DLG5: variants seen among roughly 807,000 people sequenced by gnomAD.
DLG5 encodes discs large MAGUK scaffold protein 5.
Under a neutral mutation model 189.8 loss-of-function variants are expected in DLG5, and 48 were observed. That is an observed-to-expected ratio of 0.25 (90% CI 0.20 to 0.32). The LOEUF (loss-of-function observed/expected upper bound fraction) is 0.32. DLG5 is among the 10% of genes least tolerant of loss of function. The pLI is 1.00. For missense variants in DLG5, 2,160 were observed against 2,544.7 expected (o/e 0.85, Z 3.25); for synonymous variants, 1,016 against 1,054.1 (o/e 0.96, Z 0.70).
intron 1 of DLG5, among the ~76,000 whole-genome samples, chr10:77,880,964 T>G (rs1362011690): frequency 1.0e-4 from 5 of 48,856 alleles, no homozygotes; most frequent in South Asian, 6.9e-4. Context: ...CCCTAGACCT[T>G]TTTTTTTTTT....
At chr10:77,928,543 C>G (rs1350963051), upstream of DLG5, 1 of 152,410 alleles carries the variant, frequency 6.6e-6, no homozygotes. Context: ...ATAGTTCTTT[C>G]TGGCCGCCAC....
rs370895571 is a variant in DLG5, at chr10:77,807,801, G to A, written c.4791C>T (p.Tyr1597=). The part of the protein sequence containing the change: ...KAKGLPGDSF[Y]IRALYDRLAD... Reference sequence around the variant, plus strand: ...GATTCCCCAGCCACTGGTACCTGATGTAGAAGCTGTCACCAGGCAGGCCCT... The same window carrying A: ...GATTCCCCAGCCACTGGTACCTGATATAGAAGCTGTCACCAGGCAGGCCCT... Residue 1597 remains tyrosine, a synonymous_variant, in exon 25 of 32, where the codon TAC becomes TAT. Coordinates refer to ENST00000372391, the MANE Select transcript of DLG5 (RefSeq NM_004747.4). 6.8e-6 allele frequency: 11 copies of A among 1,613,436 alleles called. No homozygotes were observed. In the African/African-American group the frequency reaches 9.3e-5, roughly 14 times the overall value.
At chr10:77,838,545 T>A (rs1843261513) in intron 7 of DLG5, among the ~76,000 whole-genome samples, 1 of 152,104 alleles carries the variant, frequency 6.6e-6, no homozygotes, top group Non-Finnish European at 1.5e-5. Flanking sequence ...ATGCTACCTC[T>A]TTGCTCCCTC....
chr10:77,795,488 G>A (rs1217717973), intron 29 of DLG5, among the ~76,000 whole-genome samples: 2 of 152,128 alleles, frequency 1.3e-5, no homozygotes, highest in Non-Finnish European at 2.9e-5. Context: ...ATCTAACAGA[G>A]AAGGGAAGCA....
intron 16 of DLG5, 167 bp from the exon 17 acceptor site, chr10:77,819,632 G>A: frequency 2.8e-6 from 3 of 1,073,410 alleles, no homozygotes; most frequent in East Asian, 5.2e-5. Flanking sequence ...CTCCTGGCCT[G>A]TCTCCATTTG....
rs575763163 is a variant in DLG5, at chr10:77,798,780, T to C, written c.5165-2186A>G. 5.9e-5 allele frequency among the ~76,000 whole-genome samples: 9 copies of C among 152,242 alleles called. No homozygotes were observed. In the East Asian group the frequency reaches 1.7e-3, roughly 29 times the overall value. ...CGTCACCATTCCCTCCATTTACTAG[T>C]ATAAGAATCATATTCTCAAATTATG... On this transcript the variant is annotated intron_variant, in intron 27 of 31. Coordinates refer to ENST00000372391, the MANE Select transcript of DLG5 (RefSeq NM_004747.4).
chr10:77,853,306 ATGAGGAC>A, intron 5 of DLG5, 41 bp downstream of exon 5: 3 of 1,415,826 alleles, frequency 2.1e-6, no homozygotes, highest in Non-Finnish European at 2.8e-6. Flanking sequence ...ATTAAAAGGA[ATGAGGAC>A]TACTTGGGAG....
intron 1 of DLG5, among the ~76,000 whole-genome samples, chr10:77,899,876 G>C (rs1180720133): frequency 1.3e-5 from 2 of 152,070 alleles, no homozygotes; most frequent in Non-Finnish European, 2.9e-5. Flanking sequence ...TCCTTATCTT[G>C]GACCAGTATC....
chr10:77,856,721 A>G lies in DLG5; in HGVS notation c.536+9T>C. The G allele has an allele frequency of 6.2e-7, 1 of 1,611,070 alleles. No homozygotes were observed. The highest frequency in any genetic ancestry group is 8.5e-7 in the Non-Finnish European group (1 of 1,178,248). ...GGGGCCTGGGCAGGGGAGACGGCGC[A>G]ATTACTACCTCTTGTCAAAGGCCGT... On this transcript the variant is annotated intron_variant, in intron 3 of 31. Transcript: ENST00000372391.
intron 1 of DLG5, among the ~76,000 whole-genome samples, chr10:77,896,857 G>T (rs80213496): frequency 3.9e-5 from 6 of 151,968 alleles, no homozygotes; most frequent in Non-Finnish European, 8.8e-5. Context: ...TTAACCACTG[G>T]TGAGTCTCGG....
intron 2 of DLG5, among the ~76,000 whole-genome samples, chr10:77,864,788 C>T (rs2154576951): frequency 6.6e-6 from 1 of 152,356 alleles, no homozygotes; most frequent in South Asian, 2.1e-4. Flanking sequence ...ACAATGAAGG[C>T]CTAAGGGGGA....
At chr10:77,874,121 C>A (rs1048907048) in intron 1 of DLG5, among the ~76,000 whole-genome samples, 1 of 152,220 alleles carries the variant, frequency 6.6e-6, no homozygotes, top group Non-Finnish European at 1.5e-5. Flanking sequence ...GGGCCAGGTT[C>A]GGGAGAAAGA....
chr10:77,848,707 AT>A (rs201168807), intron 5 of DLG5, among the ~76,000 whole-genome samples: 8 of 150,178 alleles, frequency 5.3e-5, no homozygotes, highest in Admixed American at 2.0e-4. Flanking sequence ...ATATTGTAGG[AT>A]TTTTTTTTAA....
intron 1 of DLG5, among the ~76,000 whole-genome samples, chr10:77,869,770 C>T (rs1844827065): frequency 6.6e-6 from 1 of 152,094 alleles, no homozygotes; most frequent in Admixed American, 6.5e-5. Context: ...TTTTTGTCCA[C>T]ACTTAATGTT....
intron 1 of DLG5, among the ~76,000 whole-genome samples, chr10:77,902,096 A>G (rs1031312788): frequency 1.3e-5 from 2 of 152,178 alleles, no homozygotes; most frequent in African/African-American, 4.8e-5. Context: ...GAGGGAACAG[A>G]CAGGTGTGGT....
chr10:77,819,417 A>G lies in DLG5; in HGVS notation c.3575T>C (p.Leu1192Pro), dbSNP rs142466775. 1.7e-4 allele frequency: 280 copies of G among 1,613,762 alleles called. 1 individual carries two copies. Among genetic ancestry groups the G allele is most frequent in the Non-Finnish European group, 2.3e-4 (271 of 1,180,000 alleles). Residue 1192 changes from leucine (L) to proline (P), a missense_variant, in exon 17 of 32, where the codon CTG becomes CCG. Leu to Pro is a moderately conservative substitution (Grantham distance 98, BLOSUM62 -3). Transcript: ENST00000372391. ...LTPSTTVSSILRNPIYTVRSH... is the reference protein window; with the variant it reads ...LTPSTTVSSIPRNPIYTVRSH... ...GCGCACAGTGTAGATGGGGTTCCGCAGGATGGAGCTCACAGTGGTGCTGGG... is the reference window on the plus strand; with the variant it reads ...GCGCACAGTGTAGATGGGGTTCCGCGGGATGGAGCTCACAGTGGTGCTGGG...
In DLG5 at chr10:77,856,890, T is replaced by C; in HGVS notation, c.376A>G (p.Thr126Ala). Residue 126 changes from threonine to alanine, a missense_variant and splice_region_variant, in exon 3 of 32, where the codon ACT becomes GCT. Coordinates refer to ENST00000372391, the MANE Select transcript of DLG5 (RefSeq NM_004747.4). ...GGTGGGGACGGCGCCTTCCCGGTAG[T>C]GCCTGTGGAAGGGGAATAATAAAGT... Reference protein sequence around the residue: ...ESSSSLSSVGTTGKAPSPPPL... With the variant: ...ESSSSLSSVGATGKAPSPPPL... 6.2e-7 allele frequency: 1 copy of C among 1,609,890 alleles called. No homozygotes were observed. The highest frequency in any genetic ancestry group is 8.5e-7 in the Non-Finnish European group (1 of 1,178,566).
At position 77,834,039 on chromosome 10, in the gene DLG5, C is replaced by T; in HGVS notation, c.1623G>A (p.Arg541=). 6.2e-7 allele frequency: 1 copy of T among 1,609,122 alleles called. No individual in the cohort carries two copies. ...CCCGCCTCAGGTTGTCACACAGTGTCCTGGTGGAAGGAGCAGAGGACAAGG... is the reference window on the plus strand; with the variant it reads ...CCCGCCTCAGGTTGTCACACAGTGTTCTGGTGGAAGGAGCAGAGGACAAGG... The part of the protein sequence containing the change: ...DKIVAERDSI[R]TLCDNLRRER... The change falls in exon 9 of 32, where the codon CGG becomes CGA. Residue 541 remains arginine (R), a splice_region_variant and synonymous_variant. Coordinates refer to ENST00000372391, the MANE Select transcript of DLG5 (RefSeq NM_004747.4).
chr10:77,808,361 G>C (rs1841583589), intron 24 of DLG5, among the ~76,000 whole-genome samples: 1 of 152,120 alleles, frequency 6.6e-6, no homozygotes, highest in Admixed American at 6.5e-5. Context: ...ATACCTCTTA[G>C]GCTCAAGTGA....
Sources: gnomAD v4.1 joint callset for allele counts (sites outside exome capture counted in the v4.1 genomes callset) on GRCh38, gnomAD v4.1.1 for gene constraint, MANE v1.5 for transcripts, NCBI Gene and HGNC (gene_info 2026-07-23, HGNC 2026-07-21) for gene names.